CYP7B1: variants seen among roughly 807,000 people sequenced by gnomAD.
The protein encoded by CYP7B1 is cytochrome P450 7B1.
Under a neutral mutation model 42.7 loss-of-function variants are expected in CYP7B1, and 29 were observed. That is an observed-to-expected ratio of 0.68 (90% CI 0.51 to 0.93). The LOEUF is 0.93. Ranked by LOEUF, CYP7B1 falls within the 40% of genes least tolerant of loss-of-function variation. CYP7B1 has a pLI of 0.00. For missense variants in CYP7B1, 655 were observed against 600.5 expected (o/e 1.09, Z -0.95); for synonymous variants, 235 against 218.2 (o/e 1.08, Z -0.68).
chr8:64,636,924 C>T (rs111489257), intron 1 of CYP7B1, among the ~76,000 whole-genome samples: 5 of 152,160 alleles, frequency 3.3e-5, no homozygotes, highest in African/African-American at 1.2e-4. Context: ...TGTTAATTTA[C>T]TTTACAGATG....
intron 1 of CYP7B1, among the ~76,000 whole-genome samples, chr8:64,719,128 G>A (rs757289103): frequency 1.3e-4 from 20 of 152,148 alleles, no homozygotes; most frequent in South Asian, 4.1e-4. Flanking sequence ...ATAAAAATTT[G>A]AAGAGAGCAT....
intron 1 of CYP7B1, among the ~76,000 whole-genome samples, chr8:64,662,707 G>T (rs1028813054): frequency 6.6e-6 from 1 of 152,122 alleles, no homozygotes; most frequent in African/African-American, 2.4e-5. Context: ...TGTGCTCAGA[G>T]TTTCAGCTAT....
chr8:64,740,657 T>A (rs1218132492), intron 1 of CYP7B1, among the ~76,000 whole-genome samples: 13 of 150,392 alleles, frequency 8.6e-5, no homozygotes, highest in African/African-American at 2.7e-4. Flanking sequence ...ATATTAGAAA[T>A]GAAAGAGGGG....
chr8:64,797,924 C>A (rs1369216411), intron 1 of CYP7B1, among the ~76,000 whole-genome samples: 1 of 152,154 alleles, frequency 6.6e-6, no homozygotes, highest in Admixed American at 6.5e-5. Flanking sequence ...AGGACAACTG[C>A]ATAAAATACT....
At chr8:64,732,078 G>T (rs971156415) in intron 1 of CYP7B1, among the ~76,000 whole-genome samples, 1 of 152,222 alleles carries the variant, frequency 6.6e-6, no homozygotes, top group East Asian at 1.9e-4. Context: ...CCCACACACA[G>T]AGTCTCCACT....
intron 1 of CYP7B1, among the ~76,000 whole-genome samples, chr8:64,659,854 G>C (rs955987130): frequency 6.6e-6 from 1 of 152,146 alleles, no homozygotes; most frequent in African/African-American, 2.4e-5. Context: ...TACCCATCTT[G>C]AGTTTGTAAG....
chr8:64,679,300 T>C (rs1255685936), intron 1 of CYP7B1, among the ~76,000 whole-genome samples: 1 of 152,200 alleles, frequency 6.6e-6, no homozygotes, highest in Non-Finnish European at 1.5e-5. Context: ...CAGGCATTTC[T>C]ATCATCACTA....
intron 1 of CYP7B1, among the ~76,000 whole-genome samples, chr8:64,656,517 C>A (rs1806122864): frequency 6.6e-6 from 1 of 152,196 alleles, no homozygotes; most frequent in African/African-American, 2.4e-5. Context: ...GTGCTGCCTC[C>A]TGCAGAAAGC....
chr8:64,760,007 T>C (rs1245495595), intron 1 of CYP7B1, among the ~76,000 whole-genome samples: 2 of 152,166 alleles, frequency 1.3e-5, no homozygotes, highest in Non-Finnish European at 1.5e-5. Context: ...TATAAGATTT[T>C]TGAAGTAATA....
intron 1 of CYP7B1, among the ~76,000 whole-genome samples, chr8:64,740,723 A>T (rs1355796830): frequency 1.3e-5 from 2 of 151,990 alleles, no homozygotes; most frequent in Non-Finnish European, 2.9e-5. Context: ...ATTATGAAAA[A>T]CTCTATGCCC....
intron 5 of CYP7B1, among the ~76,000 whole-genome samples, chr8:64,604,448 A>G (rs1366551792): frequency 6.6e-6 from 1 of 152,252 alleles, no homozygotes; most frequent in East Asian, 1.9e-4. Flanking sequence ...TGAAGCAACT[A>G]GCATTTAGTC....
intron 1 of CYP7B1, among the ~76,000 whole-genome samples, chr8:64,716,702 A>G (rs748238731): frequency 6.6e-6 from 1 of 152,142 alleles, no homozygotes; most frequent in Non-Finnish European, 1.5e-5. Flanking sequence ...GAGAGACTCC[A>G]TTTCAAAAAT....
At chr8:64,793,892 G>A (rs980668509) in intron 1 of CYP7B1, among the ~76,000 whole-genome samples, 2 of 151,276 alleles carry the variant, frequency 1.3e-5, no homozygotes, top group Non-Finnish European at 1.5e-5. Context: ...GTCTTACATA[G>A]AATTTGGATT....
At chr8:64,728,749 C>A (rs1807363217) in intron 1 of CYP7B1, 1 of 152,068 alleles carries the variant, frequency 6.6e-6, no homozygotes, top group Admixed American at 6.6e-5. Context: ...TAGAAAAAAT[C>A]AGGAAAACAA....
chr8:64,652,192 C>T (rs181984863), intron 1 of CYP7B1, among the ~76,000 whole-genome samples: 5 of 152,304 alleles, frequency 3.3e-5, no homozygotes, highest in Admixed American at 2.0e-4. Flanking sequence ...TCCAAACTTT[C>T]GTTATTCATA....
chr8:64,608,005 T>C (rs1805309152), intron 4 of CYP7B1, among the ~76,000 whole-genome samples: 1 of 152,214 alleles, frequency 6.6e-6, no homozygotes, highest in African/African-American at 2.4e-5. Context: ...CTGACCAGTA[T>C]ATGCTAGGAA....
At chr8:64,613,043 G>C (rs1805385236) in intron 4 of CYP7B1, among the ~76,000 whole-genome samples, 1 of 152,116 alleles carries the variant, frequency 6.6e-6, no homozygotes, top group Admixed American at 6.6e-5. Context: ...CTATTTTCTA[G>C]ATCACAAACA....
chr8:64,692,164 G>A (rs1015173605), intron 1 of CYP7B1, among the ~76,000 whole-genome samples: 1 of 152,332 alleles, frequency 6.6e-6, no homozygotes, highest in Non-Finnish European at 1.5e-5. Flanking sequence ...TTCTCATGAA[G>A]CAGCCTCTGG....
intron 1 of CYP7B1, among the ~76,000 whole-genome samples, chr8:64,707,617 A>G (rs1029515759): frequency 2.0e-5 from 3 of 152,124 alleles, no homozygotes; most frequent in Non-Finnish European, 4.4e-5. Context: ...ATGGCAGGCT[A>G]TCTTGGGTAG....
Sources: gnomAD v4.1 joint callset for allele counts (sites outside exome capture counted in the v4.1 genomes callset) on GRCh38, gnomAD v4.1.1 for gene constraint, MANE v1.5 for transcripts, NCBI Gene and HGNC (gene_info 2026-07-23, HGNC 2026-07-21) for gene names.